FAT4: variants seen among roughly 807,000 people sequenced by gnomAD.
The protein encoded by FAT4 is FAT atypical cadherin 4.
FAT4 carries 84 observed loss-of-function variants against 303.9 expected under a neutral mutation model. The ratio of observed to expected loss-of-function variants is 0.28; its 90% confidence interval spans 0.23 to 0.33. FAT4 has a LOEUF of 0.33. Ranked by LOEUF, FAT4 falls within the 10% of genes least tolerant of loss-of-function variation. The pLI, the probability that FAT4 is intolerant of heterozygous loss-of-function variation, is 1.00. For synonymous variants in FAT4, 2,307 were observed against 2,298.8 expected, an observed-to-expected ratio of 1.00 and a Z score of -0.10; for missense variants, 6,005 against 6,146.8, an observed-to-expected ratio of 0.98 and a Z score of 0.77.
chr4:125,465,494 T>A (rs1726630406), intron 11 of FAT4, among the ~76,000 whole-genome samples: 2 of 152,138 alleles, frequency 1.3e-5, no homozygotes, highest in Non-Finnish European at 2.9e-5. Context: ...ATGTTCATAT[T>A]TTTAGGGATC....
At position 125,448,805 on chromosome 4, in the gene FAT4, G is replaced by A; in HGVS notation, c.7795G>A (p.Glu2599Lys). Residue 2599 changes from glutamate (E) to lysine (K), a missense_variant, in exon 10 of 18, where the codon GAA becomes AAA. Transcript: ENST00000394329. ...CATCACAGGATCCTCTTTAAGAGGA[G>A]AACCTATGTCATATTATATCGCAAG... is the stretch of plus-strand genomic sequence containing the variant. ...TTITGSSLRG[E>K]PMSYYIASGN... is the part of the protein sequence containing the mutation. 6.2e-7 allele frequency: 1 copy of A among 1,609,760 alleles called. No individual in the cohort carries two copies. Among genetic ancestry groups the A allele is most frequent in the Non-Finnish European group, 8.5e-7 (1 of 1,179,856 alleles).
chr4:125,349,988 G>T (rs1018587165), intron 2 of FAT4, among the ~76,000 whole-genome samples: 1 of 151,442 alleles, frequency 6.6e-6, no homozygotes, highest in African/African-American at 2.4e-5. Flanking sequence ...TTTATGTATG[G>T]ATCTATTAAT....
intron 10 of FAT4, among the ~76,000 whole-genome samples, chr4:125,460,009 A>G (rs1726428176): frequency 6.6e-6 from 1 of 152,082 alleles, no homozygotes; most frequent in Non-Finnish European, 1.5e-5. Flanking sequence ...GATTCTAAGT[A>G]AAATTATGGA....
At chr4:125,482,068 C>A (rs1282798833) in intron 16 of FAT4, among the ~76,000 whole-genome samples, 3 of 151,966 alleles carry the variant, frequency 2.0e-5, no homozygotes, top group Non-Finnish European at 2.9e-5. Flanking sequence ...ACAAAGCAAA[C>A]CAAAAATATA....
intron 2 of FAT4, among the ~76,000 whole-genome samples, chr4:125,343,397 A>G (rs373490154): frequency 2.0e-5 from 3 of 152,060 alleles, no homozygotes; most frequent in African/African-American, 7.2e-5. Context: ...GGCTCCTCCC[A>G]CTTCACCTCC....
rs1054334702 is a variant in FAT4 at position 125,492,793 on chromosome 4, T to G, written c.*1025T>G. ...CCTATGCTGAATAGTTTTCTTACTT[T>G]CAGGGAAGGTAAGAAAATACTTTTT... On this transcript the variant is annotated 3_prime_UTR_variant, in exon 18 of 18. Coordinates refer to ENST00000394329, the MANE Select transcript of FAT4 (RefSeq NM_001291303.3). The G allele has an allele frequency of 2.0e-5, 3 of 152,576 alleles. No individual in the cohort carries two copies. The highest frequency in any genetic ancestry group is 2.1e-4 in the South Asian group (1 of 4,834). 9.5% of individuals were successfully genotyped at this position (152,576 alleles called of 1,614,324 possible).
rs901307722 is a variant in FAT4 at position 125,321,129 on chromosome 4, A to T, written c.4718A>T (p.Asp1573Val). The T allele has an allele frequency of 2.5e-6, 4 of 1,614,010 alleles. No homozygotes were observed. In the African/African-American group the frequency reaches 5.3e-5, roughly 22 times the overall value. The change falls in exon 2 of 18, where the codon GAC (aspartate) becomes GTC (valine). Residue 1573 changes from aspartate to valine, a missense_variant. Physicochemically the swap from Asp to Val is radical, Grantham distance 152. Transcript: ENST00000394329. ...TATGAGATCATCAATGGGGACACAG[A>T]CACCTTCATTGTTGATCGTTATAGT... Reference protein sequence around the residue: ...IEYEIINGDTDTFIVDRYSGD... With the variant: ...IEYEIINGDTVTFIVDRYSGD...
chr4:125,356,230 A>T (rs974105625), intron 2 of FAT4, among the ~76,000 whole-genome samples: 1 of 152,036 alleles, frequency 6.6e-6, no homozygotes, highest in East Asian at 1.9e-4. Context: ...CCTAAGAGCC[A>T]TCCATACATT....
chr4:125,491,216 T>C lies in FAT4; in HGVS notation c.14400T>C (p.Pro4800=), dbSNP rs1727626837. ...AAGAAGTGGAGAGGCTCAACACACC[T>C]CGCCCTAGAAACCCAAGTATCTGCA... ...SIEEVERLNT[P]RPRNPSICSA... The change falls in exon 18 of 18, where the codon CCT becomes CCC. Residue 4800 remains proline (P), a synonymous_variant. Coordinates refer to ENST00000394329, the MANE Select transcript of FAT4 (RefSeq NM_001291303.3). 1 of 1,613,866 alleles carries C rather than the reference T, an allele frequency of 6.2e-7. No homozygotes were observed. The highest frequency in any genetic ancestry group is 1.3e-5 in the African/African-American group (1 of 74,870).
At chr4:125,400,980 A>G (rs1000370425) in intron 3 of FAT4, among the ~76,000 whole-genome samples, 114 of 151,960 alleles carry the variant, frequency 7.5e-4, no homozygotes, top group Non-Finnish European at 4.3e-4. Flanking sequence ...CATAAAAATC[A>G]CCACATTCTT....
chr4:125,416,543 T>C lies in FAT4; in HGVS notation c.6939T>C (p.Ser2313=), dbSNP rs1735078293. ...NEDNAFTLSA[S]GELGVTQSLD... ...ACAATGCTTTTACTCTCTCAGCCAG[T>C]GGAGAACTTGGAGTAACACAGAGTC... The change falls in exon 7 of 18, where the codon AGT becomes AGC. Residue 2313 remains serine (S), a synonymous_variant. Transcript: ENST00000394329. 2 of 1,614,028 alleles carry C rather than the reference T, an allele frequency of 1.2e-6. No homozygotes were observed. The highest frequency in any genetic ancestry group is 8.5e-7 in the Non-Finnish European group (1 of 1,179,908).
At position 125,416,807 on chromosome 4, in the gene FAT4, A is replaced by G. The variant is rs542727628; in HGVS notation, c.7018+185A>G. Among the ~76,000 whole-genome samples the G allele has an allele frequency of 4.3e-4, 65 of 152,086 alleles. 1 individual carries two copies. The highest frequency in any genetic ancestry group is 1.2e-3 in the South Asian group (6 of 4,814). On this transcript the variant is annotated intron_variant, in intron 7 of 17. Transcript: ENST00000394329. Reference sequence around the variant, plus strand: ...CTAAAAATACAAACATTAGCTGGACATGGTGGTGCGTGCCTGTAATCCCAG... The same window carrying G: ...CTAAAAATACAAACATTAGCTGGACGTGGTGGTGCGTGCCTGTAATCCCAG...
intron 2 of FAT4, among the ~76,000 whole-genome samples, chr4:125,348,744 G>A (rs1732101499): frequency 6.6e-6 from 1 of 151,598 alleles, no homozygotes; most frequent in Admixed American, 6.6e-5. Flanking sequence ...ATAATTCTAT[G>A]TTTAATTGTG....
chr4:125,385,115 G>A (rs1236519921), intron 2 of FAT4, among the ~76,000 whole-genome samples: 6 of 149,198 alleles, frequency 4.0e-5, no homozygotes, highest in South Asian at 2.1e-4. Flanking sequence ...TCTGCTTCCC[G>A]GGTTCAAGCA....
At chr4:125,418,207 T>C (rs1310900968) in intron 7 of FAT4, among the ~76,000 whole-genome samples, 2 of 152,130 alleles carry the variant, frequency 1.3e-5, no homozygotes, top group Non-Finnish European at 2.9e-5. Context: ...CTGGAAAATA[T>C]CAAAGTGTTT....
At chr4:125,446,191 TAACGTTTTCTTGC>T in intron 8 of FAT4, 89 bp from the exon 9 acceptor site, 1 of 956,978 alleles carries the variant, frequency 1.0e-6, no homozygotes, top group East Asian at 2.5e-5. Flanking sequence ...ATCTTTCTTG[TAACGTTTTCTTGC>T]ATTTCTACCT....
intron 7 of FAT4, among the ~76,000 whole-genome samples, chr4:125,426,105 T>C (rs1476687298): frequency 6.6e-6 from 1 of 152,082 alleles, no homozygotes; most frequent in Non-Finnish European, 1.5e-5. Context: ...TCACATTATT[T>C]AGTTGAAGCT....
At position 125,490,921 on chromosome 4, in the gene FAT4, G is replaced by C; in HGVS notation, c.14105G>C (p.Arg4702Pro). 6.2e-7 allele frequency: 1 copy of C among 1,614,110 alleles called. No homozygotes were observed. The highest frequency in any genetic ancestry group is 8.5e-7 in the Non-Finnish European group (1 of 1,180,028). ...TGCCCAACTCCCAACCCTCTGTCTC[G>C]ACACAGTCCAGCCCCTTTCTCCAAA... is the stretch of plus-strand genomic sequence containing the variant. ...SACPTPNPLS[R>P]HSPAPFSKSS... Residue 4702 changes from arginine (R) to proline (P), a missense_variant, in exon 18 of 18, where the codon CGA becomes CCA. Transcript: ENST00000394329.
chr4:125,461,358 A>G (rs1446417822), intron 10 of FAT4, among the ~76,000 whole-genome samples: 2 of 152,056 alleles, frequency 1.3e-5, no homozygotes, highest in African/African-American at 4.8e-5. Context: ...GCTTTATAGG[A>G]ACAATGACTT....
Sources: gnomAD v4.1 joint callset for allele counts (sites outside exome capture counted in the v4.1 genomes callset) on GRCh38, gnomAD v4.1.1 for gene constraint, MANE v1.5 for transcripts, NCBI Gene and HGNC (gene_info 2026-07-23, HGNC 2026-07-21) for gene names.